Variants in NINJ2 observed in about 807,000 individuals in gnomAD.
The protein encoded by NINJ2 is ninjurin-2.
NINJ2 carries 12 observed loss-of-function variants against 11.7 expected under a neutral mutation model. That is an observed-to-expected ratio of 1.02 (90% confidence interval 0.66 to 1.66). NINJ2 has a LOEUF of 1.66. NINJ2 is among the 40% of genes most tolerant of loss of function. The pLI, the probability that NINJ2 is intolerant of heterozygous loss-of-function variation, is 0.00. For missense variants in NINJ2, 187 were observed against 181.8 expected, an observed-to-expected ratio of 1.03 and a Z score of -0.16; for synonymous variants, 93 against 76.8, an observed-to-expected ratio of 1.21 and a Z score of -1.10.
intron 1 of NINJ2, among the ~76,000 whole-genome samples, chr12:649,057 T>C (rs1275280217): frequency 6.8e-6 from 1 of 146,312 alleles, no homozygotes; most frequent in African/African-American, 2.6e-5. Flanking sequence ...ATCTTTTTCT[T>C]TTTTTTTTTT....
intron 1 of NINJ2, among the ~76,000 whole-genome samples, chr12:635,151 T>C (rs1948334380): frequency 6.6e-6 from 1 of 152,020 alleles, no homozygotes; most frequent in Non-Finnish European, 1.5e-5. Flanking sequence ...CCTCCCCGGT[T>C]CAAGTGATCC....
At chr12:583,489 G>A (rs571786502) in intron 1 of NINJ2, among the ~76,000 whole-genome samples, 15 of 152,322 alleles carry the variant, frequency 9.8e-5, no homozygotes, top group Admixed American at 5.9e-4. Flanking sequence ...GCCGCCTCTG[G>A]GCCTCCCGCC....
intron 1 of NINJ2, among the ~76,000 whole-genome samples, chr12:588,569 A>G (rs560492942): frequency 2.6e-5 from 4 of 152,218 alleles, no homozygotes; most frequent in Admixed American, 6.5e-5. Flanking sequence ...TAACTAAACT[A>G]TGGTCATTCA....
rs182949179 is a variant in NINJ2 at position 659,686 on chromosome 12, C to T, written c.33+3642G>A. Among the ~76,000 whole-genome samples, 418 of 152,338 alleles carry T rather than the reference C, an allele frequency of 2.7e-3. 5 individuals carry two copies. The highest frequency in any genetic ancestry group is 9.3e-3 in the African/African-American group (387 of 41,576). On this transcript the variant is annotated intron_variant, in intron 1 of 3. Coordinates refer to ENST00000305108, the MANE Select transcript of NINJ2 (RefSeq NM_016533.6). ...CTGTGCTGCTGCTACCCATCCCAGT[C>T]TCACAGGTCTTGACCTGGAGATACA... is the stretch of plus-strand genomic sequence containing the variant.
chr12:629,896 A>AAATAAAAAAAAAAAAAT, intron 1 of NINJ2, among the ~76,000 whole-genome samples: 1 of 9,892 alleles, frequency 1.0e-4, no homozygotes, highest in Non-Finnish European at 4.7e-4. Context: ...AAAAAAAAAA[A>AAATAAAAAAAAAAAAAT]ATATATATAT....
rs1019437251 is a variant in NINJ2 at position 591,431 on chromosome 12, C to T, written c.34-25253G>A. 1.3e-5 allele frequency among the ~76,000 whole-genome samples: 2 copies of T among 152,160 alleles called. No individual in the cohort carries two copies. The highest frequency in any genetic ancestry group is 4.8e-5 in the African/African-American group (2 of 41,426). ...CGTCAACAACCTGGGGCTGTGCGCT[C>T]TCCTGATGCAAGGTCCTTTCTGCTA... On this transcript the variant is annotated intron_variant, in intron 1 of 3. Transcript: ENST00000305108. The surrounding 1 kb of genome is among the most constrained non-coding windows in gnomAD (Gnocchi z 5.0).
At chr12:623,537 G>A (rs1948178405) in intron 1 of NINJ2, among the ~76,000 whole-genome samples, 2 of 152,232 alleles carry the variant, frequency 1.3e-5, no homozygotes, top group African/African-American at 4.8e-5. Flanking sequence ...TAAAAGCCTA[G>A]TTGTTATTTA....
At chr12:592,189 A>G (rs542165037) in intron 1 of NINJ2, among the ~76,000 whole-genome samples, 40 of 152,190 alleles carry the variant, frequency 2.6e-4, no homozygotes, top group African/African-American at 9.4e-4. Flanking sequence ...CAAGTGCAAA[A>G]TGGGATAAAA....
chr12:567,801 T>C (rs778896168), intron 1 of NINJ2, among the ~76,000 whole-genome samples: 14 of 152,068 alleles, frequency 9.2e-5, no homozygotes, highest in Non-Finnish European at 1.9e-4. Context: ...AGGTCAGGAG[T>C]TTGAGACTAG....
chr12:572,850 A>ATTTTTTTTT (rs539715060), intron 1 of NINJ2, among the ~76,000 whole-genome samples: 1 of 96,164 alleles, frequency 1.0e-5, no homozygotes, highest in African/African-American at 4.4e-5. Flanking sequence ...AGAGCCTGTA[A>ATTTTTTTTT]TTTTTTTTTT....
chr12:571,354 A>AG (rs1299406562), intron 1 of NINJ2, among the ~76,000 whole-genome samples: 1 of 151,954 alleles, frequency 6.6e-6, no homozygotes, highest in Non-Finnish European at 1.5e-5. Context: ...GGGATGAGGC[A>AG]GGGGGGTGGG....
At chr12:639,033 G>A (rs1948389502) in intron 1 of NINJ2, among the ~76,000 whole-genome samples, 1 of 152,084 alleles carries the variant, frequency 6.6e-6, no homozygotes, top group Admixed American at 6.6e-5. Flanking sequence ...TTTTGCCCCT[G>A]AAAATTAAAG....
At chr12:657,031 C>A (rs1456719272) in intron 1 of NINJ2, among the ~76,000 whole-genome samples, 1 of 152,046 alleles carries the variant, frequency 6.6e-6, no homozygotes, top group Admixed American at 6.6e-5. Flanking sequence ...ATGTAAAATG[C>A]GAAACTATAA....
intron 1 of NINJ2, among the ~76,000 whole-genome samples, chr12:593,801 G>A (rs1475220163): frequency 6.6e-6 from 1 of 151,958 alleles, no homozygotes; most frequent in Non-Finnish European, 1.5e-5. Flanking sequence ...ATAAGAGGAA[G>A]AAAGAAAAGA....
intron 1 of NINJ2, among the ~76,000 whole-genome samples, chr12:607,671 T>C (rs150684334): frequency 7.2e-5 from 11 of 152,318 alleles, no homozygotes; most frequent in African/African-American, 2.6e-4. Context: ...AATGCTGAGC[T>C]AATGCCACCT....
chr12:649,603 ATTTTC>A (rs1399393271), intron 1 of NINJ2, among the ~76,000 whole-genome samples: 1 of 143,384 alleles, frequency 7.0e-6, no homozygotes, highest in Non-Finnish European at 1.5e-5. Flanking sequence ...TGCTTCTCTA[ATTTTC>A]TTTTTTAAAC....
At chr12:567,363 A>G (rs898669793) in intron 1 of NINJ2, among the ~76,000 whole-genome samples, 4 of 151,972 alleles carry the variant, frequency 2.6e-5, no homozygotes, top group African/African-American at 9.7e-5. Context: ...CTATATATGC[A>G]CAGTGATGCA....
At chr12:622,745 C>A (rs912201290) in intron 1 of NINJ2, among the ~76,000 whole-genome samples, 1 of 152,052 alleles carries the variant, frequency 6.6e-6, no homozygotes, top group Non-Finnish European at 1.5e-5. Context: ...GGACCCCCTA[C>A]CTCACCCTAA....
intron 1 of NINJ2, among the ~76,000 whole-genome samples, chr12:572,552 T>G (rs1947392542): frequency 6.6e-6 from 1 of 152,198 alleles, no homozygotes; most frequent in Non-Finnish European, 1.5e-5. Context: ...TCAGTCCTCT[T>G]GTCAGAATTC....
Sources: allele counts gnomAD v4.1 joint callset (sites outside exome capture counted in the v4.1 genomes callset), GRCh38; gene constraint gnomAD v4.1.1; non-coding constraint Gnocchi (gnomAD v3.1); transcripts MANE v1.5; gene names NCBI Gene and HGNC (gene_info 2026-07-23, HGNC 2026-07-21).